Variants in SYNDIG1 observed in about 807,000 individuals in gnomAD.
SYNDIG1 encodes synapse differentiation-inducing gene protein 1.
SYNDIG1 carries 9 observed loss-of-function variants against 19.4 expected under a neutral mutation model. The ratio of observed to expected loss-of-function variants is 0.46; its 90% CI spans 0.28 to 0.81. SYNDIG1 has a LOEUF of 0.81. Among genes scored for constraint, SYNDIG1 ranks in the 30% least tolerant of loss-of-function variants. SYNDIG1 has a pLI of 0.12. For missense variants in SYNDIG1, 311 were observed against 343.3 expected, an observed-to-expected ratio of 0.91 and a Z score of 0.74; for synonymous variants, 141 against 145.9, an observed-to-expected ratio of 0.97 and a Z score of 0.24.
intron 2 of SYNDIG1, among the ~76,000 whole-genome samples, chr20:24,545,934 A>C (rs1568629320): frequency 2.6e-5 from 4 of 152,236 alleles, no homozygotes; most frequent in Admixed American, 1.3e-4. Flanking sequence ...TCGATGAAAC[A>C]GCAAGTTGTT....
intron 2 of SYNDIG1, among the ~76,000 whole-genome samples, chr20:24,572,996 C>T (rs2058169195): frequency 6.6e-6 from 1 of 152,130 alleles, no homozygotes; most frequent in African/African-American, 2.4e-5. Flanking sequence ...ACTCTACCAG[C>T]CTCCTCCACC....
chr20:24,573,761 T>C (rs1363185029), intron 2 of SYNDIG1, among the ~76,000 whole-genome samples: 1 of 152,172 alleles, frequency 6.6e-6, no homozygotes, highest in Non-Finnish European at 1.5e-5. Flanking sequence ...TCACCTCCTC[T>C]CAAGTGTCCC....
At chr20:24,539,101 T>C (rs1432431717) in intron 1 of SYNDIG1, among the ~76,000 whole-genome samples, 1 of 152,220 alleles carries the variant, frequency 6.6e-6, no homozygotes, top group Non-Finnish European at 1.5e-5. Context: ...ATATCTAAAT[T>C]GTTATGAAGT....
At chr20:24,489,361 G>T (rs77568939) in intron 1 of SYNDIG1, among the ~76,000 whole-genome samples, 1 of 150,098 alleles carries the variant, frequency 6.7e-6, no homozygotes, top group African/African-American at 2.5e-5. Flanking sequence ...CAAGATACAT[G>T]CATGCACACA....
chr20:24,602,062 T>G (rs181114453), intron 3 of SYNDIG1, among the ~76,000 whole-genome samples: 2 of 152,276 alleles, frequency 1.3e-5, no homozygotes, highest in East Asian at 3.9e-4. Flanking sequence ...CCTTCTTGTA[T>G]GTTTCAATCA....
intron 3 of SYNDIG1, among the ~76,000 whole-genome samples, chr20:24,628,798 C>T (rs931329098): frequency 1.3e-5 from 2 of 152,156 alleles, no homozygotes; most frequent in Non-Finnish European, 1.5e-5. Flanking sequence ...CACCATTATC[C>T]GGAGTTGCAT....
intron 3 of SYNDIG1, among the ~76,000 whole-genome samples, chr20:24,598,352 G>A (rs111395187): frequency 1.7e-4 from 26 of 152,340 alleles, no homozygotes; most frequent in Middle Eastern, 3.4e-3. Flanking sequence ...TGGAATCCAG[G>A]TCTGTACAAA....
In SYNDIG1 at chr20:24,543,228, C is replaced by T. The variant is rs756646544; in HGVS notation, c.131C>T (p.Pro44Leu). ...ESRDGLVSVY[P>L]APQYQSHRVG... The stretch of plus-strand genomic sequence containing the variant: ...AGAGATGGTCTGGTGTCTGTTTACC[C>T]AGCGCCCCAGTACCAGAGCCACCGG... The change falls in exon 2 of 4, where the codon CCA becomes CTA. Residue 44 changes from proline (P) to leucine (L), a missense_variant. By Grantham distance (98) the Pro-to-Leu change is moderately conservative. Coordinates refer to ENST00000376862, the MANE Select transcript of SYNDIG1 (RefSeq NM_024893.3). 1.2e-6 allele frequency: 2 copies of T among 1,613,932 alleles called. No homozygotes were observed. The highest frequency in any genetic ancestry group is 2.2e-5 in the East Asian group (1 of 44,868).
intron 1 of SYNDIG1, among the ~76,000 whole-genome samples, chr20:24,479,296 C>A: frequency 6.6e-6 from 1 of 152,324 alleles, no homozygotes; most frequent in South Asian, 2.1e-4. Context: ...CGAGCCCTCA[C>A]CCTCCTTGGA....
chr20:24,640,976 C>T (rs1052003794), intron 3 of SYNDIG1, among the ~76,000 whole-genome samples: 1 of 152,206 alleles, frequency 6.6e-6, no homozygotes, highest in East Asian at 1.9e-4. Context: ...TCTTCGTCCC[C>T]GGTGGGTGTT....
At chr20:24,636,885 T>C (rs1035621739) in intron 3 of SYNDIG1, among the ~76,000 whole-genome samples, 4 of 152,282 alleles carry the variant, frequency 2.6e-5, no homozygotes, top group African/African-American at 9.6e-5. Flanking sequence ...ATATCATTAT[T>C]ATAAGATAAA....
At chr20:24,524,658 A>T (rs1406292942) in intron 1 of SYNDIG1, among the ~76,000 whole-genome samples, 1 of 152,128 alleles carries the variant, frequency 6.6e-6, no homozygotes, top group Non-Finnish European at 1.5e-5. Flanking sequence ...AAAAAAAAAA[A>T]AAATTTATCT....
chr20:24,639,890 T>C (rs2059353366), intron 3 of SYNDIG1, among the ~76,000 whole-genome samples: 1 of 152,246 alleles, frequency 6.6e-6, no homozygotes, highest in Non-Finnish European at 1.5e-5. Context: ...GATTACCAGA[T>C]ATCTCACCAT....
chr20:24,627,124 G>GGGGAGAGGGAGA (rs750289884), intron 3 of SYNDIG1, among the ~76,000 whole-genome samples: 3 of 110,182 alleles, frequency 2.7e-5, no homozygotes, highest in Non-Finnish European at 4.6e-5. Flanking sequence ...GGGGGACCGT[G>GGGGAGAGGGAGA]GGGAGAGGGA....
chr20:24,588,764 C>T (rs1001721495), intron 3 of SYNDIG1, among the ~76,000 whole-genome samples: 3 of 152,086 alleles, frequency 2.0e-5, no homozygotes, highest in Admixed American at 6.5e-5. Context: ...TGATGTTGCT[C>T]GGTTGTGAAT....
chr20:24,587,776 T>G (rs2058441583), intron 3 of SYNDIG1, among the ~76,000 whole-genome samples: 1 of 152,220 alleles, frequency 6.6e-6, no homozygotes, highest in Non-Finnish European at 1.5e-5. Flanking sequence ...AGCATGTTGG[T>G]GGAGCTGAGG....
chr20:24,475,719 A>G (rs1444783724), intron 1 of SYNDIG1, among the ~76,000 whole-genome samples: 1 of 152,210 alleles, frequency 6.6e-6, no homozygotes, highest in Non-Finnish European at 1.5e-5. Flanking sequence ...ATCCTAACCT[A>G]GTCTTGGAAT....
chr20:24,611,508 C>G (rs1392821773), intron 3 of SYNDIG1, among the ~76,000 whole-genome samples: 1 of 152,252 alleles, frequency 6.6e-6, no homozygotes, highest in Middle Eastern at 3.4e-3. Context: ...CCCCCTCCCA[C>G]CCATAGCTGG....
chr20:24,652,894 C>T lies in SYNDIG1; in HGVS notation c.619-12452C>T, dbSNP rs370726673. On this transcript the variant is annotated intron_variant, in intron 3 of 3. Coordinates refer to ENST00000376862, the MANE Select transcript of SYNDIG1 (RefSeq NM_024893.3). ...GATGTCTGCAGTGGGGCTGACACAGCCACCCCCTGCTCATTAACCCGCCCT... is the reference window on the plus strand; with the variant it reads ...GATGTCTGCAGTGGGGCTGACACAGTCACCCCCTGCTCATTAACCCGCCCT... Among the ~76,000 whole-genome samples, 40 of 152,296 alleles carry T rather than the reference C, an allele frequency of 2.6e-4. No individual in the cohort carries two copies. The South Asian group carries it at 7.9e-3, about 30-fold the overall frequency.
Sources: gnomAD v4.1 joint callset for allele counts (sites outside exome capture counted in the v4.1 genomes callset) on GRCh38, gnomAD v4.1.1 for gene constraint, MANE v1.5 for transcripts, NCBI Gene and HGNC (gene_info 2026-07-23, HGNC 2026-07-21) for gene names.